Variants in PKNOX2 observed in about 807,000 individuals in gnomAD.
PKNOX2 encodes PBX/knotted 1 homeobox 2.
In PKNOX2, 14 loss-of-function variants were observed where a neutral mutation model predicts 53.1. The observed-to-expected ratio is 0.26, with a 90% CI of 0.17 to 0.41. PKNOX2 has a LOEUF of 0.41. Ranked by LOEUF, PKNOX2 falls within the 10% of genes least tolerant of loss-of-function variation. The pLI, the probability that PKNOX2 is intolerant of heterozygous loss-of-function variation, is 1.00. For missense variants in PKNOX2, 496 were observed against 602.8 expected (o/e 0.82, Z 1.85); for synonymous variants, 257 against 242.8 (o/e 1.06, Z -0.54).
chr11:125,249,456 G>T (rs542876648), intron 2 of PKNOX2, among the ~76,000 whole-genome samples: 35 of 152,242 alleles, frequency 2.3e-4, no homozygotes, highest in African/African-American at 7.2e-4. Flanking sequence ...AAGAAAAAGG[G>T]ATGGCTGCAT....
At chr11:125,404,039 A>C (rs1054303478) in intron 7 of PKNOX2, among the ~76,000 whole-genome samples, 9 of 152,046 alleles carry the variant, frequency 5.9e-5, no homozygotes, top group Admixed American at 2.6e-4. Context: ...CCATCACCTC[A>C]GCCAGGACCC....
chr11:125,341,212 T>C (rs1364699801), intron 3 of PKNOX2, among the ~76,000 whole-genome samples: 1 of 150,946 alleles, frequency 6.6e-6, no homozygotes. Context: ...AAAAATTAGC[T>C]GGGTGTGGTG....
At chr11:125,306,286 C>T (rs183268290) in intron 2 of PKNOX2, among the ~76,000 whole-genome samples, 11 of 152,240 alleles carry the variant, frequency 7.2e-5, no homozygotes, top group African/African-American at 2.2e-4. Context: ...GCTCCCCATT[C>T]GCAAATACCT....
At chr11:125,331,377 C>T (rs1950134843) in intron 2 of PKNOX2, among the ~76,000 whole-genome samples, 1 of 149,614 alleles carries the variant, frequency 6.7e-6, no homozygotes, top group Non-Finnish European at 1.5e-5. Context: ...CCAGTCGAAG[C>T]CCACTGTCAT....
intron 2 of PKNOX2, among the ~76,000 whole-genome samples, chr11:125,263,252 A>G (rs1945021542): frequency 6.6e-6 from 1 of 152,214 alleles, no homozygotes; most frequent in South Asian, 2.1e-4. Flanking sequence ...TCCTCTCTCT[A>G]GAGCCAAGCT....
At chr11:125,350,802 C>T (rs1017261191) in intron 3 of PKNOX2, among the ~76,000 whole-genome samples, 9 of 152,168 alleles carry the variant, frequency 5.9e-5, no homozygotes, top group African/African-American at 2.2e-4. Flanking sequence ...CCTGGAATCC[C>T]GTAGCTGGCC....
At chr11:125,234,538 G>A (rs1942504930) in intron 1 of PKNOX2, among the ~76,000 whole-genome samples, 1 of 152,136 alleles carries the variant, frequency 6.6e-6, no homozygotes, top group Admixed American at 6.6e-5. Context: ...GTTCTTGTCT[G>A]CAGCAAGACT....
intron 1 of PKNOX2, among the ~76,000 whole-genome samples, chr11:125,194,653 G>A (rs943505761): frequency 2.0e-5 from 3 of 152,150 alleles, no homozygotes; most frequent in African/African-American, 4.8e-5. Flanking sequence ...TTGCTTCAAT[G>A]TCCCTTAGGC....
At chr11:125,322,529 G>C (rs144221780) in intron 2 of PKNOX2, among the ~76,000 whole-genome samples, 1 of 152,092 alleles carries the variant, frequency 6.6e-6, no homozygotes, top group Non-Finnish European at 1.5e-5. Context: ...CACCTTCCCC[G>C]CCCCACCCAG....
chr11:125,339,120 G>A (rs1950558731), intron 3 of PKNOX2, among the ~76,000 whole-genome samples: 1 of 152,214 alleles, frequency 6.6e-6, no homozygotes, highest in Non-Finnish European at 1.5e-5. Flanking sequence ...TTCCAAGGCT[G>A]GAGGTTGAAG....
Position 125,297,588 on chromosome 11 carries a change from A to G in PKNOX2, c.-129-34231A>G, listed in dbSNP as rs12271797. 4.3e-3 allele frequency among the ~76,000 whole-genome samples: 653 copies of G among 152,258 alleles called. 4 individuals are homozygous for G. Among genetic ancestry groups the G allele is most frequent in the African/African-American group, 0.015 (603 of 41,542 alleles). ...CAAATGAGTGTTGTGCACTTAAGGAAATTGGCTGTTCCTGGAAGGATGAAG... is the reference window on the plus strand; with the variant it reads ...CAAATGAGTGTTGTGCACTTAAGGAGATTGGCTGTTCCTGGAAGGATGAAG... On this transcript the variant is annotated intron_variant, in intron 2 of 12. Coordinates refer to ENST00000298282, the MANE Select transcript of PKNOX2 (RefSeq NM_001382323.2).
At chr11:125,324,544 A>G (rs1458432643) in intron 2 of PKNOX2, among the ~76,000 whole-genome samples, 4 of 152,288 alleles carry the variant, frequency 2.6e-5, no homozygotes, top group Non-Finnish European at 1.5e-5. Flanking sequence ...GTGGCAGAGT[A>G]GTACCCAGAC....
chr11:125,341,742 C>T (rs766390135), intron 3 of PKNOX2, among the ~76,000 whole-genome samples: 5 of 152,264 alleles, frequency 3.3e-5, no homozygotes, highest in African/African-American at 9.6e-5. Context: ...ACCTTGGTAG[C>T]GGACAAGAAA....
chr11:125,292,924 G>A (rs1229193650), intron 2 of PKNOX2, among the ~76,000 whole-genome samples: 1 of 152,166 alleles, frequency 6.6e-6, no homozygotes, highest in East Asian at 1.9e-4. Flanking sequence ...AGTGGGAGAC[G>A]ATGCGTGTTA....
intron 7 of PKNOX2, among the ~76,000 whole-genome samples, chr11:125,405,735 T>C (rs1377541724): frequency 1.3e-5 from 2 of 152,168 alleles, no homozygotes; most frequent in Admixed American, 6.5e-5. Flanking sequence ...AGCCCTGCCT[T>C]GCTCTGCCCC....
intron 2 of PKNOX2, among the ~76,000 whole-genome samples, chr11:125,274,652 G>A (rs1036704312): frequency 4.6e-5 from 7 of 152,260 alleles, no homozygotes; most frequent in Non-Finnish European, 8.8e-5. Flanking sequence ...ACCTGAGGCT[G>A]GGGGCTGGAG....
Position 125,422,255 on chromosome 11 carries a change from C to T in PKNOX2, c.937-6757C>T, listed in dbSNP as rs1376669720. Among the ~76,000 whole-genome samples, 1 of 152,150 alleles carries T rather than the reference C, an allele frequency of 6.6e-6. No individual in the cohort carries two copies. Among genetic ancestry groups the T allele is most frequent in the Non-Finnish European group, 1.5e-5 (1 of 68,042 alleles). ...TACCCCAGCCACGACTGTCTTCATTCTAGACGCTGTTCAGGCATCTGTGCC... is the reference window on the plus strand; with the variant it reads ...TACCCCAGCCACGACTGTCTTCATTTTAGACGCTGTTCAGGCATCTGTGCC... On this transcript the variant is annotated intron_variant, in intron 10 of 12. Coordinates refer to ENST00000298282, the MANE Select transcript of PKNOX2 (RefSeq NM_001382323.2). The surrounding 1 kb of genome is among the most constrained non-coding windows in gnomAD (Gnocchi z 4.1).
chr11:125,411,458 GTCTTTCTCTCTCTC>G (rs1296016365), intron 9 of PKNOX2: 42 of 321,578 alleles, frequency 1.3e-4, no homozygotes, highest in African/African-American at 4.6e-4. Context: ...TGTTTCCTCT[GTCTTTCTCTCTCTC>G]TCTCTCTCTC....
intron 2 of PKNOX2, among the ~76,000 whole-genome samples, chr11:125,269,085 A>T (rs546199427): frequency 6.6e-6 from 1 of 152,240 alleles, no homozygotes; most frequent in Non-Finnish European, 1.5e-5. Flanking sequence ...GATGAAAGAG[A>T]TGGGAATTCT....
Sources: allele counts gnomAD v4.1 joint callset (sites outside exome capture counted in the v4.1 genomes callset), GRCh38; gene constraint gnomAD v4.1.1; non-coding constraint Gnocchi (gnomAD v3.1); transcripts MANE v1.5; gene names NCBI Gene and HGNC (gene_info 2026-07-23, HGNC 2026-07-21).